Variants in NPSR1 observed in about 807,000 individuals in gnomAD.
The protein encoded by NPSR1 is neuropeptide S receptor.
In NPSR1, 48 loss-of-function variants were observed where a neutral mutation model predicts 46.9. The ratio of observed to expected loss-of-function variants is 1.02; its 90% CI spans 0.81 to 1.30. The LOEUF (loss-of-function observed/expected upper bound fraction) is 1.30, where lower values mean the gene tolerates loss of function less well. Ranked by LOEUF, NPSR1 falls within the 50% of genes most tolerant of loss-of-function variation. The probability of loss-of-function intolerance (pLI) is 0.00; values close to 1 mark genes in which losing one functional copy is unlikely to be tolerated. For missense variants in NPSR1, 450 were observed against 449.5 expected, an observed-to-expected ratio of 1.00 and a Z score of -0.01; for synonymous variants, 176 against 168.1, an observed-to-expected ratio of 1.05 and a Z score of -0.36.
At chr7:34,825,661 C>T (rs1251096018) in intron 4 of NPSR1, among the ~76,000 whole-genome samples, 1 of 152,140 alleles carries the variant, frequency 6.6e-6, no homozygotes, top group African/African-American at 2.4e-5. Context: ...TGGCCACCAG[C>T]AAGACCCCAC....
chr7:34,684,424 T>C, intron 1 of NPSR1, 128 bp from the exon 2 acceptor site: 1 of 822,342 alleles, frequency 1.2e-6, no homozygotes. Flanking sequence ...CATTGTTTTC[T>C]TGAGAGTAGA....
chr7:34,699,876 G>A (rs1234061261), intron 2 of NPSR1, among the ~76,000 whole-genome samples: 1 of 152,140 alleles, frequency 6.6e-6, no homozygotes, highest in Non-Finnish European at 1.5e-5. Context: ...GCAAAAGGTG[G>A]GGTGGGGAGA....
At chr7:34,690,570 G>A (rs1793198571) in intron 2 of NPSR1, among the ~76,000 whole-genome samples, 1 of 152,082 alleles carries the variant, frequency 6.6e-6, no homozygotes, top group Non-Finnish European at 1.5e-5. Flanking sequence ...AAAAATTATT[G>A]AAGGAAAAAC....
chr7:34,669,886 C>A (rs1404997487), intron 1 of NPSR1, among the ~76,000 whole-genome samples: 1 of 152,032 alleles, frequency 6.6e-6, no homozygotes, highest in Non-Finnish European at 1.5e-5. Context: ...TCGAGAGGAT[C>A]GTGAAAAAAC....
chr7:34,818,440 C>T (rs1789367552), intron 4 of NPSR1, among the ~76,000 whole-genome samples: 1 of 152,136 alleles, frequency 6.6e-6, no homozygotes, highest in Non-Finnish European at 1.5e-5. Context: ...AATGGAAGAA[C>T]ATTCCATGCT....
intron 3 of NPSR1, among the ~76,000 whole-genome samples, chr7:34,790,779 A>ATAGGT (rs1787733277): frequency 7.5e-6 from 1 of 133,548 alleles, no homozygotes; most frequent in South Asian, 2.4e-4. Flanking sequence ...AATATATGTT[A>ATAGGT]TATGTTATAT....
At chr7:34,803,869 A>G (rs1788558160) in intron 3 of NPSR1, among the ~76,000 whole-genome samples, 1 of 151,852 alleles carries the variant, frequency 6.6e-6, no homozygotes, top group South Asian at 2.1e-4. Context: ...ACCATAAACA[A>G]CTCTATGCCC....
At chr7:34,732,316 C>T (rs1484635753) in intron 2 of NPSR1, among the ~76,000 whole-genome samples, 1 of 152,124 alleles carries the variant, frequency 6.6e-6, no homozygotes, top group Non-Finnish European at 1.5e-5. Flanking sequence ...ATGAGTGTAC[C>T]TTCTGCAAGA....
chr7:34,710,389 C>T (rs1200706422), intron 2 of NPSR1, among the ~76,000 whole-genome samples: 2 of 152,200 alleles, frequency 1.3e-5, no homozygotes, highest in African/African-American at 4.8e-5. Flanking sequence ...TTTCTAGATT[C>T]TAATATTAGT....
chr7:34,829,397 G>C (rs996433237), intron 5 of NPSR1, among the ~76,000 whole-genome samples: 7 of 152,168 alleles, frequency 4.6e-5, no homozygotes, highest in African/African-American at 1.4e-4. Context: ...AAGGAGAAAA[G>C]GTTATTTAGA....
At chr7:34,741,199 CTTT>C (rs1387793373) in intron 2 of NPSR1, among the ~76,000 whole-genome samples, 2 of 152,132 alleles carry the variant, frequency 1.3e-5, no homozygotes, top group African/African-American at 4.8e-5. Flanking sequence ...GTTCATCAGG[CTTT>C]TTGCATGTGT....
intron 2 of NPSR1, chr7:34,711,034 C>T (rs1783256629): frequency 2.8e-6 from 1 of 361,516 alleles, no homozygotes; most frequent in Non-Finnish European, 5.4e-6. Flanking sequence ...CATTTGTCAT[C>T]AGGATCAGAG....
chr7:34,834,380 G>A lies in NPSR1; in HGVS notation c.681-4G>A, dbSNP rs1052407177. 3.1e-6 allele frequency: 5 copies of A among 1,612,280 alleles called. No individual in the cohort carries two copies. The African/African-American group carries it at 6.7e-5, about 22-fold the overall frequency. On this transcript the variant is annotated splice_polypyrimidine_tract_variant and splice_region_variant and intron_variant, in intron 5 of 8. Transcript: ENST00000360581. ...TTTAATACTACCTTTGGTTCTTTCTGCAGCATCATGTATGGCATTGTGATC... is the reference window on the plus strand; with the variant it reads ...TTTAATACTACCTTTGGTTCTTTCTACAGCATCATGTATGGCATTGTGATC...
At chr7:34,790,781 A>G (rs1033957654) in intron 3 of NPSR1, among the ~76,000 whole-genome samples, 1 of 136,628 alleles carries the variant, frequency 7.3e-6, no homozygotes, top group Non-Finnish European at 1.5e-5. Flanking sequence ...TATATGTTAT[A>G]TGTTATATAT....
chr7:34,735,413 T>C (rs1292526149), intron 2 of NPSR1, among the ~76,000 whole-genome samples: 2 of 150,408 alleles, frequency 1.3e-5, no homozygotes, highest in East Asian at 4.1e-4. Flanking sequence ...CTCTCTTGTT[T>C]ATTATCCTGG....
chr7:34,868,460 C>G (rs1377925182), intron 8 of NPSR1, among the ~76,000 whole-genome samples: 10 of 151,582 alleles, frequency 6.6e-5, no homozygotes, highest in Non-Finnish European at 1.5e-4. Context: ...AAAGTAAGCC[C>G]CAAAGTCAAG....
chr7:34,776,867 A>C (rs1786983513), intron 2 of NPSR1, among the ~76,000 whole-genome samples: 1 of 152,180 alleles, frequency 6.6e-6, no homozygotes, highest in South Asian at 2.1e-4. Context: ...TCCAGGAGCT[A>C]GAGCTTGGAA....
At chr7:34,688,620 G>A in intron 2 of NPSR1, among the ~76,000 whole-genome samples, 1 of 152,114 alleles carries the variant, frequency 6.6e-6, no homozygotes, top group East Asian at 1.9e-4. Flanking sequence ...CTAGGAGTTT[G>A]AGCCACCTCT....
At chr7:34,713,585 G>A (rs1265351216) in intron 2 of NPSR1, among the ~76,000 whole-genome samples, 1 of 152,186 alleles carries the variant, frequency 6.6e-6, no homozygotes, top group Admixed American at 6.5e-5. Context: ...GGCTGTGGGA[G>A]CTGAAGCTCT....
Sources: gnomAD v4.1 joint callset for allele counts (sites outside exome capture counted in the v4.1 genomes callset) on GRCh38, gnomAD v4.1.1 for gene constraint, MANE v1.5 for transcripts, NCBI Gene and HGNC (gene_info 2026-07-23, HGNC 2026-07-21) for gene names.